AOAH: variants seen among roughly 807,000 people sequenced by gnomAD.
The protein encoded by AOAH is acyloxyacyl hydrolase (neutrophil).
A neutral mutation model predicts 92.2 loss-of-function variants in AOAH; 64 were observed. The ratio of observed to expected loss-of-function variants is 0.69; its 90% CI spans 0.57 to 0.86. The LOEUF (loss-of-function observed/expected upper bound fraction) is 0.86. AOAH is among the 40% of genes least tolerant of loss of function. The pLI, the probability that AOAH is intolerant of heterozygous loss-of-function variation, is 0.00. For missense variants in AOAH, 656 were observed against 694.6 expected, an observed-to-expected ratio of 0.94 and a Z score of 0.62; for synonymous variants, 263 against 254.5, an observed-to-expected ratio of 1.03 and a Z score of -0.32.
chr7:36,648,818 A>T (rs909896504), intron 4 of AOAH, among the ~76,000 whole-genome samples: 4 of 152,294 alleles, frequency 2.6e-5, no homozygotes, highest in African/African-American at 7.2e-5. Flanking sequence ...TCTCAAATGC[A>T]TTGGGATATA....
intron 13 of AOAH, among the ~76,000 whole-genome samples, chr7:36,557,825 TTCA>T (rs1786887887): frequency 6.6e-6 from 1 of 152,142 alleles, no homozygotes; most frequent in Non-Finnish European, 1.5e-5. Flanking sequence ...AGCCTTGGCT[TTCA>T]GCTCCATCAG....
chr7:36,667,363 C>T (rs7797451), intron 3 of AOAH, among the ~76,000 whole-genome samples: 93,281 of 152,024 alleles, frequency 0.61, 28,829 homozygotes, highest in South Asian at 0.68. Context: ...TTCTCAGTTA[C>T]CGGATTGATT....
At chr7:36,675,294 CAATTA>C (rs1317376820) in intron 2 of AOAH, among the ~76,000 whole-genome samples, 3 of 152,086 alleles carry the variant, frequency 2.0e-5, no homozygotes, top group Non-Finnish European at 4.4e-5. Flanking sequence ...TTGAAGTAGG[CAATTA>C]AAACTGTGTC....
At position 36,613,894 on chromosome 7, in the gene AOAH, A is replaced by C. The variant is rs149572668; in HGVS notation, c.846+2486T>G. ...TCATTTGTATTCTTGAGCAGTTTTC[A>C]TATGTATCCGGATGTGTTTCCCCAC... On this transcript the variant is annotated intron_variant, in intron 11 of 20. Transcript: ENST00000617537. 2.6e-5 allele frequency among the ~76,000 whole-genome samples: 4 copies of C among 152,272 alleles called. No homozygotes were observed. The East Asian group carries it at 5.8e-4, about 22-fold the overall frequency.
intron 3 of AOAH, 72 bp from the exon 4 acceptor site, chr7:36,659,337 G>A (rs1024661215): frequency 7.8e-7 from 1 of 1,275,968 alleles, no homozygotes; most frequent in Non-Finnish European, 1.1e-6. Flanking sequence ...CTACTGCAAA[G>A]AAAGGTAAAT....
intron 1 of AOAH, among the ~76,000 whole-genome samples, chr7:36,698,850 A>T (rs1033841296): frequency 6.6e-6 from 1 of 152,114 alleles, no homozygotes; most frequent in Non-Finnish European, 1.5e-5. Context: ...GAAATGCACA[A>T]TAGGTTATTG....
chr7:36,657,161 T>C (rs892459408), intron 4 of AOAH, among the ~76,000 whole-genome samples: 4 of 152,176 alleles, frequency 2.6e-5, no homozygotes, highest in Non-Finnish European at 4.4e-5. Context: ...ACATCAGTTG[T>C]TTCTGGTGGT....
At position 36,614,672 on chromosome 7, in the gene AOAH, A is replaced by C. The variant is rs2392456; in HGVS notation, c.846+1708T>G. Among the ~76,000 whole-genome samples, 68,835 of 151,564 alleles carry C rather than the reference A, an allele frequency of 0.45. 15,722 individuals are homozygous for C. Among genetic ancestry groups the C allele is most frequent in the Non-Finnish European group, 0.48 (32,893 of 67,832 alleles). On this transcript the variant is annotated intron_variant, in intron 11 of 20. Coordinates refer to ENST00000617537, the MANE Select transcript of AOAH (RefSeq NM_001637.4). This position sits in a 1 kb window ranked among gnomAD's most constrained non-coding sequence, Gnocchi z 4.2. ...GGGGGAGGCCTGTGTTCCAATGTTAACCTTTGGTCCTTTTGGGAATCTGGG... is the reference window on the plus strand; with the variant it reads ...GGGGGAGGCCTGTGTTCCAATGTTACCCTTTGGTCCTTTTGGGAATCTGGG...
At chr7:36,576,552 G>A (rs1788510762) in intron 13 of AOAH, 22 bp downstream of exon 13, 2 of 1,400,994 alleles carry the variant, frequency 1.4e-6, no homozygotes, top group African/African-American at 1.5e-5. Context: ...ATTGATGAAG[G>A]CTTAAATGGA....
intron 1 of AOAH, among the ~76,000 whole-genome samples, chr7:36,688,229 ATTTGT>A (rs1353688402): frequency 1.3e-5 from 2 of 152,290 alleles, no homozygotes; most frequent in African/African-American, 4.8e-5. Context: ...TTTCATATAT[ATTTGT>A]TTTATTTAAA....
chr7:36,674,614 C>T (rs1796125251), intron 2 of AOAH, among the ~76,000 whole-genome samples: 1 of 152,230 alleles, frequency 6.6e-6, no homozygotes, highest in Non-Finnish European at 1.5e-5. Flanking sequence ...GTGAGTTCCT[C>T]TATCCACCCA....
intron 1 of AOAH, among the ~76,000 whole-genome samples, chr7:36,698,060 T>A (rs1202037875): frequency 6.6e-6 from 1 of 152,214 alleles, no homozygotes; most frequent in Non-Finnish European, 1.5e-5. Context: ...TATGGTAATG[T>A]TTTTATAGCA....
intron 5 of AOAH, among the ~76,000 whole-genome samples, chr7:36,632,510 T>C (rs1160794135): frequency 6.6e-6 from 1 of 152,206 alleles, no homozygotes; most frequent in Non-Finnish European, 1.5e-5. Flanking sequence ...ATCTGGGGTC[T>C]GGGAGGAAGG....
At chr7:36,638,417 C>T (rs764311135) in intron 4 of AOAH, among the ~76,000 whole-genome samples, 5 of 152,224 alleles carry the variant, frequency 3.3e-5, no homozygotes, top group Non-Finnish European at 5.9e-5. Flanking sequence ...CAGTCACCTC[C>T]TCTTCCCCTG....
chr7:36,649,959 C>A (rs112999105), intron 4 of AOAH, among the ~76,000 whole-genome samples: 5,678 of 152,282 alleles, frequency 0.037, 344 homozygotes, highest in African/African-American at 0.13. Context: ...CTGGGTTCCA[C>A]GGTTCTCTTC....
chr7:36,706,709 T>A (rs1296291663), intron 1 of AOAH, among the ~76,000 whole-genome samples: 1 of 152,236 alleles, frequency 6.6e-6, no homozygotes, highest in Non-Finnish European at 1.5e-5. Flanking sequence ...CTTAGCTAGA[T>A]TTTCTGGATA....
chr7:36,665,531 T>G (rs546530565), intron 3 of AOAH, among the ~76,000 whole-genome samples: 19 of 152,138 alleles, frequency 1.2e-4, no homozygotes, highest in Non-Finnish European at 2.8e-4. Flanking sequence ...CAGTAGACTT[T>G]TTATTTCCTC....
rs988125014 is a variant in AOAH at position 36,640,847 on chromosome 7, C to T, written c.391-2937G>A. Reference sequence around the variant, plus strand: ...GGCTAGAGAAGGACCCCAGCCTGGCCGACTTGAAGCCGCTGCAATGAGGTA... The same window carrying T: ...GGCTAGAGAAGGACCCCAGCCTGGCTGACTTGAAGCCGCTGCAATGAGGTA... On this transcript the variant is annotated intron_variant, in intron 4 of 20. Transcript: ENST00000617537. Among the ~76,000 whole-genome samples, 8 of 152,286 alleles carry T rather than the reference C, an allele frequency of 5.3e-5. No homozygotes were observed. The East Asian group carries it at 7.7e-4, about 15-fold the overall frequency.
chr7:36,620,980 C>T (rs999402535), intron 8 of AOAH, 151 bp from the exon 9 acceptor site: 2 of 715,806 alleles, frequency 2.8e-6, no homozygotes, highest in Admixed American at 2.6e-5. Flanking sequence ...CATCACATCC[C>T]ATTGTGTGTT....
Sources: gnomAD v4.1 joint callset for allele counts (sites outside exome capture counted in the v4.1 genomes callset) on GRCh38, gnomAD v4.1.1 for gene constraint, Gnocchi (gnomAD v3.1) non-coding constraint, MANE v1.5 for transcripts, NCBI Gene and HGNC (gene_info 2026-07-23, HGNC 2026-07-21) for gene names.